MUC3A: variants seen among roughly 807,000 people sequenced by gnomAD.
The protein encoded by MUC3A is mucin 3A, cell surface associated.
A neutral mutation model predicts 109.0 loss-of-function variants in MUC3A; 109 were observed. That is an observed-to-expected ratio of 1.00 (90% confidence interval 0.86 to 1.17). The LOEUF is 1.17. Ranked by LOEUF, MUC3A falls within the 50% of genes most tolerant of loss-of-function variation. MUC3A has a pLI of 0.00. For missense variants in MUC3A, 3,537 were observed against 2,469.4 expected, an observed-to-expected ratio of 1.43 and a Z score of -9.16; for synonymous variants, 1,398 against 981.4, an observed-to-expected ratio of 1.42 and a Z score of -7.93.
At chr7:100,963,579 C>T (rs1371731381) in intron 4 of MUC3A, 109 bp from the exon 5 acceptor site, 21 of 1,539,080 alleles carry the variant, frequency 1.4e-5, no homozygotes, top group Admixed American at 1.8e-5. Context: ...GCCACGGCAC[C>T]CGGCCGGGGA....
rs760290417 is a variant in MUC3A, at chr7:100,959,408, C to T, written c.7629C>T (p.Thr2543=). The stretch of plus-strand genomic sequence containing the variant: ...CAGAAACCTCATCCCTTGTGGGCAC[C>T]ACCTCTCCCACCATGTCCACTGTGA... ...QSTETSSLVG[T]TSPTMSTVRM... Residue 2543 remains threonine (T), a synonymous_variant, in exon 2 of 12, where the codon ACC becomes ACT. Transcript: ENST00000379458. 6.5e-7 allele frequency: 1 copy of T among 1,535,444 alleles called. No homozygotes were observed. The highest frequency in any genetic ancestry group is 1.3e-5 in the South Asian group (1 of 78,118).
chr7:100,959,791 A>C lies in MUC3A; in HGVS notation c.8012A>C (p.Asn2671Thr), dbSNP rs778084341. 1.3e-6 allele frequency: 2 copies of C among 1,595,492 alleles called. No homozygotes were observed. The highest frequency in any genetic ancestry group is 2.2e-5 in the South Asian group (2 of 90,368). Residue 2671 changes from asparagine to threonine, a missense_variant, in exon 2 of 12, where the codon AAT becomes ACT. Asn to Thr is a moderately conservative substitution (Grantham distance 65). Coordinates refer to ENST00000379458, the MANE Select transcript of MUC3A (RefSeq NM_005960.2). ...TTCACTAGGGGAAGTACGTCTACAA[A>C]TGCAATCTTGACTTCTTTTAGTACC... is the stretch of plus-strand genomic sequence containing the variant. ...ESFTRGSTSTNAILTSFSTII... is the reference protein window; with the variant it reads ...ESFTRGSTSTTAILTSFSTII...
chr7:100,966,593 G>A (rs779914249), intron 9 of MUC3A, 34 bp downstream of exon 9: 2 of 1,589,686 alleles, frequency 1.3e-6, no homozygotes, highest in South Asian at 1.1e-5. Flanking sequence ...GGGGGGCGAG[G>A]GCAGCCAAGG....
chr7:100,951,112 C>A (rs908632923), intron 1 of MUC3A, among the ~76,000 whole-genome samples: 2 of 152,208 alleles, frequency 1.3e-5, no homozygotes, highest in Non-Finnish European at 2.9e-5. Context: ...TGGGTTCAAG[C>A]GATTCTCCTG....
chr7:100,959,952 G>C lies in MUC3A; in HGVS notation c.8173G>C (p.Ala2725Pro). ...TTTCAGTACAGAAAATGTGGGCTCC[G>C]CTTCTATCACAGGCTTTCCTAGTCT... ...YIFSTENVGS[A>P]SITGFPSLSS... The change falls in exon 2 of 12, where the codon GCT becomes CCT. Residue 2725 changes from alanine (A) to proline (P), a missense_variant. Physicochemically the swap from Ala to Pro is conservative, Grantham distance 27. Coordinates refer to ENST00000379458, the MANE Select transcript of MUC3A (RefSeq NM_005960.2). 2 of 1,509,824 alleles carry C rather than the reference G, an allele frequency of 1.3e-6. No homozygotes were observed. Among genetic ancestry groups the C allele is most frequent in the Non-Finnish European group, 1.8e-6 (2 of 1,140,284 alleles). 93.5% of individuals were successfully genotyped at this position (1,509,824 alleles called of 1,614,324 possible).
Position 100,963,145 on chromosome 7 carries a change from G to A in MUC3A, c.9053-6G>A, listed in dbSNP as rs1034446021. 1 of 1,597,852 alleles carries A rather than the reference G, an allele frequency of 6.3e-7. No individual in the cohort carries two copies. The highest frequency in any genetic ancestry group is 1.3e-5 in the African/African-American group (1 of 74,960). On this transcript the variant is annotated splice_polypyrimidine_tract_variant and splice_region_variant and intron_variant, in intron 3 of 11. Coordinates refer to ENST00000379458, the MANE Select transcript of MUC3A (RefSeq NM_005960.2). ...AAGTGACTGGGGACATGCATGCTCTGTGTAGATGTAGTGGAGACCGAGGTG... is the reference window on the plus strand; with the variant it reads ...AAGTGACTGGGGACATGCATGCTCTATGTAGATGTAGTGGAGACCGAGGTG...
At chr7:100,966,269 AC>A (rs74203458) in intron 8 of MUC3A, 116 bp from the exon 9 acceptor site, 1 of 984,752 alleles carries the variant, frequency 1.0e-6, no homozygotes. Flanking sequence ...CTAGGGTGGA[AC>A]CCCCCGCTGC....
Position 100,959,050 on chromosome 7 carries a change from C to T in MUC3A, c.7271C>T (p.Pro2424Leu), listed in dbSNP as rs530583412. 3.5e-5 allele frequency: 56 copies of T among 1,590,814 alleles called. No homozygotes were observed. The African/African-American group carries it at 4.0e-4, about 11-fold the overall frequency. Residue 2424 changes from proline (P) to leucine (L), a missense_variant, in exon 2 of 12, where the codon CCT becomes CTT. Pro to Leu is a moderately conservative substitution (Grantham distance 98, BLOSUM62 -3). Coordinates refer to ENST00000379458, the MANE Select transcript of MUC3A (RefSeq NM_005960.2). ...TTTETTSHST[P>L]GFTSSITTTE... Reference sequence around the variant, plus strand: ...ACTGAGACTACCTCACACAGTACTCCTGGCTTCACTTCTTCAATCACCACC... The same window carrying T: ...ACTGAGACTACCTCACACAGTACTCTTGGCTTCACTTCTTCAATCACCACC...
In MUC3A at chr7:100,963,580, C is replaced by T. The variant is rs565012982; in HGVS notation, c.9169-108C>T. The T allele has an allele frequency of 2.1e-4, 328 of 1,540,554 alleles. No individual in the cohort carries two copies. The South Asian group carries it at 2.4e-3, about 11-fold the overall frequency. On this transcript the variant is annotated intron_variant, in intron 4 of 11. Transcript: ENST00000379458. ...GATTACAGGCGTGAGCCACGGCACC[C>T]GGCCGGGGAGGGGAATTGAAGGGTC...
intron 6 of MUC3A, 43 bp downstream of exon 6, chr7:100,964,886 C>A: frequency 2.6e-6 from 4 of 1,561,176 alleles, no homozygotes; most frequent in South Asian, 2.3e-5. Context: ...TGAGGTGTCA[C>A]CCCAGCCCAC....
chr7:100,967,684 A>G lies in MUC3A; in HGVS notation c.*522A>G. 1 of 213,102 alleles carries G rather than the reference A, an allele frequency of 4.7e-6. No individual in the cohort carries two copies. Among genetic ancestry groups the G allele is most frequent in the Non-Finnish European group, 9.5e-6 (1 of 105,774 alleles). The allele number at this position is 213,102 out of a possible 1,614,324, so 13.2% of individuals were successfully genotyped here. A position where few individuals can be genotyped will look rare whatever the true frequency, so the allele number is the denominator to read the frequency against. On this transcript the variant is annotated 3_prime_UTR_variant, in exon 12 of 12. Transcript: ENST00000379458. ...CCCATCTCCTGCCCTCTCCTGATCT[A>G]ACTCCCTGCTGCATCTCTTGCTCTC...
rs747818386 is a variant in MUC3A at position 100,959,275 on chromosome 7, C to A, written c.7496C>A (p.Thr2499Asn). The change falls in exon 2 of 12, where the codon ACC becomes AAC. Residue 2499 changes from threonine to asparagine, a missense_variant. Thr to Asn is a moderately conservative substitution (Grantham distance 65). Transcript: ENST00000379458. ...ACTCTCACCCCTTCGTCTGTGGGCA[C>A]CAGCACTTCATTGACTACAACCACA... ...LRTLTPSSVG[T>N]STSLTTTTDF... 2 of 1,591,498 alleles carry A rather than the reference C, an allele frequency of 1.3e-6. No individual in the cohort carries two copies. The highest frequency in any genetic ancestry group is 1.1e-5 in the South Asian group (1 of 89,882).
At position 100,958,932 on chromosome 7, in the gene MUC3A, C is replaced by G. The variant is rs569409437; in HGVS notation, c.7153C>G (p.Pro2385Ala). 13 of 1,119,568 alleles carry G rather than the reference C, an allele frequency of 1.2e-5. No individual in the cohort carries two copies. The highest frequency in any genetic ancestry group is 2.3e-5 in the South Asian group (1 of 42,622). The allele number at this position is 1,119,568 out of a possible 1,614,324, so 69.4% of individuals were successfully genotyped here. The change falls in exon 2 of 12, where the codon CCC (proline) becomes GCC (alanine). Residue 2385 changes from proline to alanine, a missense_variant. Physicochemically the swap from Pro to Ala is conservative, Grantham distance 27. Coordinates refer to ENST00000379458, the MANE Select transcript of MUC3A (RefSeq NM_005960.2). ...TTCTTCAATCACCACCACTGAGACC[C>G]CCTTACACAGTACTCCTGGCCTCAC... The part of the protein sequence containing the change: ...FSSSITTTET[P>A]LHSTPGLTSW...
rs1792111819 is a variant in MUC3A at position 100,956,922 on chromosome 7, C to A, written c.5143C>A (p.Pro1715Thr). The change falls in exon 2 of 12, where the codon CCT becomes ACT. Residue 1715 changes from proline (P) to threonine (T), a missense_variant. Physicochemically the swap from Pro to Thr is conservative, Grantham distance 38 (BLOSUM62 -1). Transcript: ENST00000379458. ...CACAACATTTACAAAGATGGAAACA[C>A]CTTCATCCACTGTAGCAACTACAGG... ...SFTTFTKMET[P>T]SSTVATTGTG... is the part of the protein sequence containing the mutation. 1 of 415,138 alleles carries A rather than the reference C, an allele frequency of 2.4e-6. No individual in the cohort carries two copies. Among genetic ancestry groups the A allele is most frequent in the Admixed American group, 4.3e-5 (1 of 23,388 alleles). 25.7% of individuals were successfully genotyped at this position (415,138 alleles called of 1,614,324 possible). A position where few individuals can be genotyped will look rare whatever the true frequency, so the allele number is the denominator to read the frequency against.
chr7:100,958,528 C>T lies in MUC3A; in HGVS notation c.6749C>T (p.Ser2250Phe). 1 of 1,187,208 alleles carries T rather than the reference C, an allele frequency of 8.4e-7. No individual in the cohort carries two copies. The highest frequency in any genetic ancestry group is 1.2e-6 in the Non-Finnish European group (1 of 804,420). The allele number at this position is 1,187,208 out of a possible 1,614,324, so 73.5% of individuals were successfully genotyped here. ...TSSITTTETT[S>F]HSTPSFTSSI... ...TCAATCACCACCACTGAGACTACAT[C>T]CCACAGTACTCCCAGCTTCACTTCT... is the stretch of plus-strand genomic sequence containing the variant. Residue 2250 changes from serine (S) to phenylalanine (F), a missense_variant, in exon 2 of 12, where the codon TCC becomes TTC. Coordinates refer to ENST00000379458, the MANE Select transcript of MUC3A (RefSeq NM_005960.2).
At chr7:100,964,931 C>G in intron 6 of MUC3A, 88 bp downstream of exon 6, 1 of 1,487,896 alleles carries the variant, frequency 6.7e-7, no homozygotes, top group Middle Eastern at 2.0e-4. Context: ...GGCTCAGGTG[C>G]CAGCCCTGTG....
chr7:100,966,515 C>T lies in MUC3A; in HGVS notation c.9741C>T (p.Val3247=). The T allele has an allele frequency of 4.6e-6, 6 of 1,302,022 alleles. No homozygotes were observed. The highest frequency in any genetic ancestry group is 5.8e-6 in the Non-Finnish European group (6 of 1,034,686). 80.7% of individuals were successfully genotyped at this position (1,302,022 alleles called of 1,614,324 possible). Residue 3247 remains valine (V), a synonymous_variant, in exon 9 of 12, where the codon GTC becomes GTT. Transcript: ENST00000379458. The part of the protein sequence containing the change: ...LLVLLLLALG[V]RAVRSGWWGG... ...TGCTGCTGCTGCTGGCGCTGGGCGTCCGGGCGGTGCGCTCCGGATGGTGGG... is the reference window on the plus strand; with the variant it reads ...TGCTGCTGCTGCTGGCGCTGGGCGTTCGGGCGGTGCGCTCCGGATGGTGGG...
chr7:100,949,781 G>A, intron 1 of MUC3A, 96 bp downstream of exon 1: 1 of 1,240,512 alleles, frequency 8.1e-7, no homozygotes, highest in Non-Finnish European at 1.1e-6. Context: ...TGGGGAGGGG[G>A]GATAAGAAGG....
chr7:100,966,463 G>C lies in MUC3A; in HGVS notation c.9689G>C (p.Gly3230Ala). ...VAVHWRALVG[G>A]LTAGAALLVL... ...GTCCACTGGAGGGCGCTGGTCGGGG[G>C]CCTGACGGCCGGCGCCGCGCTGCTG... Residue 3230 changes from glycine (G) to alanine (A), a missense_variant, in exon 9 of 12, where the codon GGC becomes GCC. Gly to Ala is a moderately conservative substitution (Grantham distance 60). Coordinates refer to ENST00000379458, the MANE Select transcript of MUC3A (RefSeq NM_005960.2). The C allele has an allele frequency of 1.5e-6, 2 of 1,339,496 alleles. No homozygotes were observed. The highest frequency in any genetic ancestry group is 1.5e-5 in the African/African-American group (1 of 66,834). 83.0% of individuals were successfully genotyped at this position (1,339,496 alleles called of 1,614,324 possible).
Sources: allele counts gnomAD v4.1 joint callset (sites outside exome capture counted in the v4.1 genomes callset), GRCh38; gene constraint gnomAD v4.1.1; transcripts MANE v1.5; gene names NCBI Gene and HGNC (gene_info 2026-07-23, HGNC 2026-07-21).